Variants in ACADSB observed in about 807,000 individuals in gnomAD.
The protein encoded by ACADSB is acyl-CoA dehydrogenase short/branched chain.
Under a neutral mutation model 54.1 loss-of-function variants are expected in ACADSB, and 40 were observed. The ratio of observed to expected loss-of-function variants is 0.74; its 90% CI spans 0.57 to 0.96. ACADSB has a LOEUF of 0.96. Among genes scored for constraint, ACADSB ranks in the 40% least tolerant of loss-of-function variants. The pLI is 0.00. For synonymous variants in ACADSB, 182 were observed against 182.8 expected, an observed-to-expected ratio of 1.00 and a Z score of 0.03; for missense variants, 530 against 510.4, an observed-to-expected ratio of 1.04 and a Z score of -0.37.
intron 7 of ACADSB, among the ~76,000 whole-genome samples, chr10:123,046,947 T>TG (rs747208072): frequency 2.6e-5 from 4 of 152,238 alleles, no homozygotes; most frequent in Non-Finnish European, 5.9e-5. Context: ...AACACAGCCT[T>TG]GCTGGGAGAT....
At chr10:123,014,788 T>G (rs1356159440) in intron 1 of ACADSB, among the ~76,000 whole-genome samples, 1 of 152,154 alleles carries the variant, frequency 6.6e-6, no homozygotes, top group Non-Finnish European at 1.5e-5. Flanking sequence ...AAAGGAGCAG[T>G]TTTAGGTAAA....
intron 6 of ACADSB, among the ~76,000 whole-genome samples, chr10:123,044,156 C>G (rs1416349608): frequency 6.6e-6 from 1 of 152,150 alleles, no homozygotes; most frequent in Non-Finnish European, 1.5e-5. Context: ...ACTCTAGATT[C>G]ACTCATCCAT....
At chr10:123,034,001 A>C (rs1027618790) in intron 1 of ACADSB, among the ~76,000 whole-genome samples, 2 of 152,188 alleles carry the variant, frequency 1.3e-5, no homozygotes, top group Non-Finnish European at 2.9e-5. Context: ...GGCTCTTGAT[A>C]ATGGTGAGTT....
intron 1 of ACADSB, among the ~76,000 whole-genome samples, chr10:123,012,669 G>A (rs11812467): frequency 0.013 from 1,965 of 152,060 alleles, 48 homozygotes; most frequent in African/African-American, 0.045. Flanking sequence ...GGAGTTGTTC[G>A]CTCCTCCCGG....
At chr10:123,037,598 A>T in intron 2 of ACADSB, 149 bp from the exon 3 acceptor site, 1 of 563,004 alleles carries the variant, frequency 1.8e-6, no homozygotes, top group Non-Finnish European at 3.1e-6. Context: ...TTTCTATGTT[A>T]AAAAGAAAAC....
chr10:123,031,892 G>C (rs1850332162), intron 1 of ACADSB, among the ~76,000 whole-genome samples: 1 of 152,156 alleles, frequency 6.6e-6, no homozygotes, highest in South Asian at 2.1e-4. Flanking sequence ...GAAATCAAGA[G>C]GCTCACAGTT....
Position 123,056,241 on chromosome 10 carries a change from G to A in ACADSB, c.*2476G>A. The A allele has an allele frequency of 5.2e-6, 1 of 190,946 alleles. No homozygotes were observed. Among genetic ancestry groups the A allele is most frequent in the Non-Finnish European group, 1.0e-5 (1 of 95,832 alleles). The allele number at this position is 190,946 out of a possible 1,614,324, so 11.8% of individuals were successfully genotyped here. On this transcript the variant is annotated 3_prime_UTR_variant, in exon 11 of 11. Transcript: ENST00000358776. ...TTCCTCAAGATTGTGAAGAAAAAGA[G>A]GTTTAATTGGACTTACAGTTCCACA...
intron 1 of ACADSB, among the ~76,000 whole-genome samples, chr10:123,020,275 G>A (rs1850167020): frequency 1.3e-5 from 2 of 152,034 alleles, no homozygotes; most frequent in Admixed American, 1.3e-4. Context: ...TCATCTTCAG[G>A]GCCAAAAACT....
chr10:123,018,662 GA>G (rs1850139105), intron 1 of ACADSB, among the ~76,000 whole-genome samples: 1 of 152,114 alleles, frequency 6.6e-6, no homozygotes, highest in Admixed American at 6.5e-5. Flanking sequence ...AATTTATAAA[GA>G]AAAAGAGATT....
At chr10:123,009,709 TC>T (rs3215350) in intron 1 of ACADSB, among the ~76,000 whole-genome samples, 44,954 of 151,908 alleles carry the variant, frequency 0.3, 7,837 homozygotes, top group Non-Finnish European at 0.39. Context: ...CGGTCCCTCT[TC>T]CATGAACTTA....
chr10:123,051,571 G>C (rs1046323972), intron 9 of ACADSB, among the ~76,000 whole-genome samples: 2 of 152,040 alleles, frequency 1.3e-5, no homozygotes, highest in African/African-American at 4.8e-5. Context: ...TGTCAAGTTC[G>C]GGCAAAGTGA....
In ACADSB at chr10:123,042,559, C is replaced by T. The variant is rs1184312606; in HGVS notation, c.682-487C>T. 7.7e-5 allele frequency among the ~76,000 whole-genome samples: 11 copies of T among 143,518 alleles called. No homozygotes were observed. The East Asian group carries it at 2.3e-3, about 30-fold the overall frequency. The allele number at this position is 143,518 out of a possible 152,430, so 94.2% of individuals were successfully genotyped here. ...CACTGCAACCTCCGCCTTCTGGGTT[C>T]AAGCAATTCTCCTGCTTCAGCCTCC... is the stretch of plus-strand genomic sequence containing the variant. On this transcript the variant is annotated intron_variant, in intron 5 of 10. Coordinates refer to ENST00000358776, the MANE Select transcript of ACADSB (RefSeq NM_001609.4).
intron 1 of ACADSB, among the ~76,000 whole-genome samples, chr10:123,012,905 G>C (rs1850056923): frequency 6.6e-6 from 1 of 152,180 alleles, no homozygotes. Flanking sequence ...GGATTGGTCT[G>C]TTTTGACAGG....
chr10:123,027,460 A>G (rs1850270034), intron 1 of ACADSB: 7 of 445,170 alleles, frequency 1.6e-5, no homozygotes, highest in South Asian at 7.9e-5. Flanking sequence ...GTGATAATGA[A>G]TAAGTCTCAT....
chr10:123,024,039 C>G (rs1850216823), intron 1 of ACADSB, among the ~76,000 whole-genome samples: 1 of 152,186 alleles, frequency 6.6e-6, no homozygotes, highest in Non-Finnish European at 1.5e-5. Context: ...GCATGTTTTC[C>G]CTCCAGAGGC....
chr10:123,033,981 C>T (rs1306784205), intron 1 of ACADSB, among the ~76,000 whole-genome samples: 1 of 152,196 alleles, frequency 6.6e-6, no homozygotes, highest in Admixed American at 6.5e-5. Context: ...TCTGTGCCCT[C>T]ACAAGAGAAG....
intron 1 of ACADSB, among the ~76,000 whole-genome samples, chr10:123,017,025 C>A (rs1228444177): frequency 6.6e-6 from 1 of 151,982 alleles, no homozygotes; most frequent in African/African-American, 2.4e-5. Context: ...AATATGCAAC[C>A]CCTGATATGG....
rs1850365684 is a variant in ACADSB, at chr10:123,034,233, A to G, written c.43-123A>G. 6 of 1,001,630 alleles carry G rather than the reference A, an allele frequency of 6.0e-6. No homozygotes were observed. The African/African-American group carries it at 9.7e-5, about 16-fold the overall frequency. 62.0% of individuals were successfully genotyped at this position (1,001,630 alleles called of 1,614,324 possible). On this transcript the variant is annotated intron_variant, in intron 1 of 10. Transcript: ENST00000358776. ...GTGTTATGTTTAAAAGACTGAATTT[A>G]AAAATGCGCTAGGTTAAGTTTCCTT...
At chr10:123,038,510 T>C (rs1215997981) in intron 3 of ACADSB, among the ~76,000 whole-genome samples, 1 of 152,138 alleles carries the variant, frequency 6.6e-6, no homozygotes, top group African/African-American at 2.4e-5. Context: ...GCTATTAGCA[T>C]AGGGGCTTCT....
Sources: gnomAD v4.1 joint callset for allele counts (sites outside exome capture counted in the v4.1 genomes callset) on GRCh38, gnomAD v4.1.1 for gene constraint, MANE v1.5 for transcripts, NCBI Gene and HGNC (gene_info 2026-07-23, HGNC 2026-07-21) for gene names.